Variants in KLRG1 observed in about 807,000 individuals in gnomAD.
The protein encoded by KLRG1 is killer cell lectin like receptor G1.
KLRG1 carries 16 observed loss-of-function variants against 21.8 expected under a neutral mutation model. The ratio of observed to expected loss-of-function variants is 0.73; its 90% confidence interval spans 0.50 to 1.11. The LOEUF (loss-of-function observed/expected upper bound fraction) is 1.11. Among genes scored for constraint, KLRG1 ranks in the 50% most tolerant of loss-of-function variants. The probability of loss-of-function intolerance (pLI) is 0.00; values close to 1 mark genes in which losing one functional copy is unlikely to be tolerated. For missense variants in KLRG1, 173 were observed against 218.3 expected, an observed-to-expected ratio of 0.79 and a Z score of 1.31; for synonymous variants, 69 against 75.9, an observed-to-expected ratio of 0.91 and a Z score of 0.47.
intron 1 of KLRG1, among the ~76,000 whole-genome samples, chr12:8,967,006 T>TA (rs1565537650): frequency 1.4e-5 from 2 of 147,488 alleles, no homozygotes; most frequent in African/African-American, 4.9e-5. Flanking sequence ...TATGCAGCCA[T>TA]AAAAAATGAT....
the KLRG1 span, among the ~76,000 whole-genome samples, chr12:9,097,232 T>A: frequency 1.3e-5 from 2 of 152,340 alleles, no homozygotes; most frequent in East Asian, 3.9e-4. Context: ...AGAAGTATTC[T>A]AATATTTTCA....
At chr12:9,025,953 A>G in the KLRG1 span, among the ~76,000 whole-genome samples, 1 of 152,174 alleles carries the variant, frequency 6.6e-6, no homozygotes, top group Non-Finnish European at 1.5e-5. Flanking sequence ...AATAATCACA[A>G]AGGGGAAAGA....
the KLRG1 span, among the ~76,000 whole-genome samples, chr12:9,136,040 C>T: frequency 6.6e-6 from 1 of 152,146 alleles, no homozygotes; most frequent in Non-Finnish European, 1.5e-5. Context: ...TACGACAAGA[C>T]TTTTACCTAG....
the KLRG1 span, among the ~76,000 whole-genome samples, chr12:9,179,597 C>G: frequency 6.6e-6 from 1 of 152,264 alleles, no homozygotes; most frequent in South Asian, 2.1e-4. Context: ...CCCAACAACT[C>G]TACAGACATA....
chr12:9,067,862 A>C, the KLRG1 span: 1 of 1,609,954 alleles, frequency 6.2e-7, no homozygotes, highest in Non-Finnish European at 8.5e-7. Flanking sequence ...AAAGAAAAAA[A>C]ATTAAGACAG....
At chr12:9,134,805 C>T in the KLRG1 span, among the ~76,000 whole-genome samples, 1 of 152,212 alleles carries the variant, frequency 6.6e-6, no homozygotes, top group African/African-American at 2.4e-5. Flanking sequence ...TCTTCAGAGG[C>T]TCTGCAGCCA....
chr12:9,007,237 CA>C (rs1485318929), intron 3 of KLRG1, among the ~76,000 whole-genome samples: 3 of 152,164 alleles, frequency 2.0e-5, no homozygotes, highest in Middle Eastern at 3.4e-3. Flanking sequence ...ACTAGAAGTG[CA>C]AAGAGGCTTT....
the KLRG1 span, chr12:9,208,252 G>T: frequency 6.2e-7 from 1 of 1,609,852 alleles, no homozygotes; most frequent in South Asian, 1.1e-5. Context: ...TCTTGAGTGA[G>T]ACTTACGGTT....
At chr12:9,202,457 A>C in the KLRG1 span, 1 of 1,612,544 alleles carries the variant, frequency 6.2e-7, no homozygotes, top group East Asian at 2.2e-5. Flanking sequence ...GGCTAGGATA[A>C]TGGAGACTTT....
At chr12:9,110,119 T>G in the KLRG1 span, 5 of 1,470,694 alleles carry the variant, frequency 3.4e-6, no homozygotes, top group Admixed American at 1.0e-4. Context: ...CCCTAAGTTA[T>G]CTACAAAAAG....
chr12:9,116,788 A>T, the KLRG1 span, among the ~76,000 whole-genome samples: 3 of 152,200 alleles, frequency 2.0e-5, no homozygotes, highest in Non-Finnish European at 4.4e-5. Flanking sequence ...TGGTCAAATA[A>T]GTATGAAAAC....
chr12:9,166,402 C>T, the KLRG1 span, among the ~76,000 whole-genome samples: 2 of 152,240 alleles, frequency 1.3e-5, no homozygotes, highest in South Asian at 2.1e-4. Flanking sequence ...GGTGGAAATT[C>T]TATGTATCCT....
the KLRG1 span, among the ~76,000 whole-genome samples, chr12:9,153,588 C>T: frequency 6.6e-6 from 1 of 152,108 alleles, no homozygotes; most frequent in Non-Finnish European, 1.5e-5. Context: ...ATTGACAGTC[C>T]TTTTGGATAT....
At chr12:9,160,831 C>T in the KLRG1 span, among the ~76,000 whole-genome samples, 1 of 151,620 alleles carries the variant, frequency 6.6e-6, no homozygotes, top group Non-Finnish European at 1.5e-5. Context: ...AGGAGAATGG[C>T]GTGAACCCAG....
the KLRG1 span, chr12:9,150,566 CT>C: frequency 1.0e-6 from 1 of 963,128 alleles, no homozygotes; most frequent in East Asian, 2.5e-5. Context: ...ACTAAGTGGG[CT>C]AAGAAGAGGA....
At chr12:9,023,074 G>T in the KLRG1 span, among the ~76,000 whole-genome samples, 4 of 152,206 alleles carry the variant, frequency 2.6e-5, no homozygotes, top group Non-Finnish European at 5.9e-5. Context: ...CAGCAAATTG[G>T]ACCTGAGGAG....
the KLRG1 span, chr12:9,158,303 A>G: frequency 5.0e-6 from 7 of 1,397,030 alleles, no homozygotes; most frequent in Non-Finnish European, 4.9e-6. Context: ...CCCTGATGCC[A>G]TCCCACATCA....
chr12:9,025,209 G>A, the KLRG1 span, among the ~76,000 whole-genome samples: 3 of 152,188 alleles, frequency 2.0e-5, no homozygotes, highest in African/African-American at 7.2e-5. Flanking sequence ...GTCTGGTTAA[G>A]ACAGGAAGGA....
At chr12:9,101,636 C>G in the KLRG1 span, 1 of 1,613,964 alleles carries the variant, frequency 6.2e-7, no homozygotes, top group East Asian at 2.2e-5. Context: ...CTGACACCCA[C>G]TGGTAGCCGT....
Sources: allele counts gnomAD v4.1 joint callset (sites outside exome capture counted in the v4.1 genomes callset), GRCh38; gene constraint gnomAD v4.1.1; transcripts MANE v1.5; gene names NCBI Gene and HGNC (gene_info 2026-07-23, HGNC 2026-07-21).